WDPCP: variants seen among roughly 807,000 people sequenced by gnomAD.
WDPCP encodes the protein WD repeat containing planar cell polarity effector, also known as WD repeat-containing and planar cell polarity effector protein fritz homolog.
WDPCP carries 71 observed loss-of-function variants against 93.1 expected under a neutral mutation model. The ratio of observed to expected loss-of-function variants is 0.76; its 90% confidence interval spans 0.63 to 0.93. The LOEUF (loss-of-function observed/expected upper bound fraction) is 0.93. WDPCP is among the 40% of genes least tolerant of loss of function. The pLI is 0.00. For synonymous variants in WDPCP, 315 were observed against 315.0 expected (o/e 1.00, Z 0.00); for missense variants, 844 against 887.4 (o/e 0.95, Z 0.62).
At chr2:63,259,616 A>C (rs1042204447) in intron 13 of WDPCP, among the ~76,000 whole-genome samples, 3 of 152,232 alleles carry the variant, frequency 2.0e-5, no homozygotes, top group Non-Finnish European at 4.4e-5. Context: ...GCAAGTATTT[A>C]AATAAATTAT....
At chr2:63,762,973 T>A (rs1014150536) in intron 2 of WDPCP, among the ~76,000 whole-genome samples, 2 of 152,216 alleles carry the variant, frequency 1.3e-5, no homozygotes, top group East Asian at 3.9e-4. Context: ...GTTTCTCCAG[T>A]ATACCAGACC....
chr2:63,144,881 T>C (rs1671370233), intron 17 of WDPCP, among the ~76,000 whole-genome samples: 1 of 152,168 alleles, frequency 6.6e-6, no homozygotes, highest in Admixed American at 6.5e-5. Flanking sequence ...CTCATTTGGG[T>C]AGGCTCTATC....
chr2:63,690,633 T>C (rs1462772874), intron 2 of WDPCP, among the ~76,000 whole-genome samples: 1 of 151,926 alleles, frequency 6.6e-6, no homozygotes, highest in Non-Finnish European at 1.5e-5. Context: ...GGCATGCTTA[T>C]AGGAGGCTGA....
At position 63,343,611 on chromosome 2, in the gene WDPCP, T is replaced by C. The variant is rs181794726; in HGVS notation, c.1749-30300A>G. On this transcript the variant is annotated intron_variant, in intron 12 of 17. Coordinates refer to ENST00000272321, the MANE Select transcript of WDPCP (RefSeq NM_015910.7). ...AATCAAATTTGGGATTTTTCTACCA[T>C]AATTTCTTCTGATAGTCTTTCTTCT... Among the ~76,000 whole-genome samples the C allele has an allele frequency of 7.9e-5, 12 of 152,332 alleles. No homozygotes were observed. The East Asian group carries it at 1.3e-3, about 17-fold the overall frequency.
rs1357650656 is a variant in WDPCP at position 63,382,003 on chromosome 2, G to C, written c.1527C>G (p.Ser509Arg). The C allele has an allele frequency of 6.2e-7, 1 of 1,613,522 alleles. No homozygotes were observed. The highest frequency in any genetic ancestry group is 2.2e-5 in the East Asian group (1 of 44,786). The change falls in exon 11 of 18, where the codon AGC (serine) becomes AGG (arginine). Residue 509 changes from serine to arginine, a missense_variant. Physicochemically the swap from Ser to Arg is moderately radical, Grantham distance 110 (BLOSUM62 -1). Coordinates refer to ENST00000272321, the MANE Select transcript of WDPCP (RefSeq NM_015910.7). ...DEIYEAINIL[S>R]SMNWDTLGHQ... Reference sequence around the variant, plus strand: ...GGCCCAGAGTGTCCCAGTTCATGCTGCTCAGGATGTTTATTGCCTCATAGA... The same window carrying C: ...GGCCCAGAGTGTCCCAGTTCATGCTCCTCAGGATGTTTATTGCCTCATAGA...
chr2:63,138,454 CTTTT>C (rs770979974), intron 17 of WDPCP, among the ~76,000 whole-genome samples: 4 of 133,702 alleles, frequency 3.0e-5, no homozygotes, highest in Admixed American at 7.6e-5. Flanking sequence ...TGAGTAAGTT[CTTTT>C]TTTTTTTTTT....
intron 6 of WDPCP, among the ~76,000 whole-genome samples, chr2:63,448,198 T>C (rs907799789): frequency 6.6e-6 from 1 of 152,092 alleles, no homozygotes; most frequent in Non-Finnish European, 1.5e-5. Flanking sequence ...GTCCATTCTC[T>C]TTTACTAGGA....
chr2:63,434,869 A>G (rs1178882722), intron 8 of WDPCP, among the ~76,000 whole-genome samples: 2 of 152,164 alleles, frequency 1.3e-5, no homozygotes, highest in Admixed American at 6.5e-5. Context: ...CGATAATGCC[A>G]GAGTGCAACG....
chr2:63,253,718 G>C (rs1680919573), intron 14 of WDPCP, among the ~76,000 whole-genome samples: 1 of 152,132 alleles, frequency 6.6e-6, no homozygotes, highest in East Asian at 1.9e-4. Flanking sequence ...AATGGCTTTT[G>C]TTAAAAAGTC....
intron 12 of WDPCP, among the ~76,000 whole-genome samples, chr2:63,313,886 A>ATATATATATTT: frequency 1.3e-5 from 1 of 74,500 alleles, no homozygotes; most frequent in Non-Finnish European, 2.6e-5. Flanking sequence ...ATATATATAT[A>ATATATATATTT]TTTTTTTTTT....
At chr2:63,550,548 C>T (rs1705530503) in intron 1 of WDPCP, among the ~76,000 whole-genome samples, 1 of 151,912 alleles carries the variant, frequency 6.6e-6, no homozygotes, top group African/African-American at 2.4e-5. Context: ...TCCTTAAGTA[C>T]CATTTTTCTG....
chr2:63,197,467 C>T (rs1414345662), intron 14 of WDPCP, among the ~76,000 whole-genome samples: 2 of 152,020 alleles, frequency 1.3e-5, no homozygotes, highest in African/African-American at 4.8e-5. Flanking sequence ...CCACCTTGTT[C>T]AAGGGTTAGT....
At chr2:63,817,460 G>A (rs759742709) in intron 1 of WDPCP, among the ~76,000 whole-genome samples, 16 of 152,084 alleles carry the variant, frequency 1.1e-4, no homozygotes, top group Non-Finnish European at 2.1e-4. Flanking sequence ...TAAAAACTAA[G>A]GAATAAACCA....
chr2:63,206,191 C>T (rs555091946), intron 14 of WDPCP, among the ~76,000 whole-genome samples: 7 of 152,166 alleles, frequency 4.6e-5, no homozygotes, highest in African/African-American at 1.7e-4. Flanking sequence ...TCATGATGAA[C>T]GCTCTTTTTA....
chr2:63,743,391 T>C (rs951472284), intron 2 of WDPCP, among the ~76,000 whole-genome samples: 1 of 152,068 alleles, frequency 6.6e-6, no homozygotes, highest in Admixed American at 6.6e-5. Context: ...CCAGGGAAAA[T>C]GGAAGAACAG....
At chr2:63,735,824 T>C (rs143427810) in intron 2 of WDPCP, among the ~76,000 whole-genome samples, 17 of 152,314 alleles carry the variant, frequency 1.1e-4, no homozygotes, top group African/African-American at 2.9e-4. Flanking sequence ...TAAGTTAATA[T>C]AGAAACAAGC....
chr2:63,755,522 G>C (rs1171766773), intron 2 of WDPCP, among the ~76,000 whole-genome samples: 1 of 152,166 alleles, frequency 6.6e-6, no homozygotes, highest in Non-Finnish European at 1.5e-5. Context: ...AAATCTTCAA[G>C]ACAAGAATAA....
Position 63,822,297 on chromosome 2 carries a change from T to C in WDPCP, n.222+5325A>G, listed in dbSNP as rs1214708263. Among the ~76,000 whole-genome samples the C allele has an allele frequency of 2.0e-5, 3 of 152,178 alleles. No individual in the cohort carries two copies. The East Asian group carries it at 5.8e-4, about 29-fold the overall frequency. On this transcript the variant is annotated intron_variant and non_coding_transcript_variant, in intron 1 of 4. Coordinates refer to the WDPCP transcript ENST00000467687. Reference sequence around the variant, plus strand: ...ACTTTTTGTCTGAGGTAGTTCACCATGGTCCACTCTCTGTACTGTTGACAC... The same window carrying C: ...ACTTTTTGTCTGAGGTAGTTCACCACGGTCCACTCTCTGTACTGTTGACAC...
chr2:63,575,426 C>CTGTATAT (rs1707918114), intron 1 of WDPCP, among the ~76,000 whole-genome samples: 1 of 1,338 alleles, frequency 7.5e-4, no homozygotes, highest in Non-Finnish European at 2.0e-3. Context: ...ACACTGTATA[C>CTGTATAT]AGTGTATATA....
Sources: gnomAD v4.1 joint callset for allele counts (sites outside exome capture counted in the v4.1 genomes callset) on GRCh38, gnomAD v4.1.1 for gene constraint, MANE v1.5 for transcripts, NCBI Gene and HGNC (gene_info 2026-07-23, HGNC 2026-07-21) for gene names.